Variants in STAT5B observed in about 807,000 individuals in gnomAD.
The protein encoded by STAT5B is signal transducer and activator of transcription 5B, also known as transcription factor STAT5B.
STAT5B carries 21 observed loss-of-function variants against 107.8 expected under a neutral mutation model. The observed-to-expected ratio is 0.19, with a 90% CI of 0.14 to 0.28. The LOEUF (loss-of-function observed/expected upper bound fraction) is 0.28, where lower values mean the gene tolerates loss of function less well. Ranked by LOEUF, STAT5B falls within the 10% of genes least tolerant of loss-of-function variation. The probability of loss-of-function intolerance (pLI) is 1.00; values close to 1 mark genes in which losing one functional copy is unlikely to be tolerated. For missense variants in STAT5B, 565 were observed against 1,008.2 expected (o/e 0.56, Z 5.95); for synonymous variants, 325 against 401.7 (o/e 0.81, Z 2.28).
chr17:42,206,813 G>A (rs553631419), intron 16 of STAT5B, among the ~76,000 whole-genome samples: 1 of 150,794 alleles, frequency 6.6e-6, no homozygotes, highest in South Asian at 2.1e-4. Flanking sequence ...GACCTCAGGT[G>A]ATCTGCCTGC....
At chr17:42,279,373 A>G (rs1273448737), upstream of STAT5B, among the ~76,000 whole-genome samples, 4 of 152,200 alleles carry the variant, frequency 2.6e-5, no homozygotes, top group African/African-American at 9.6e-5. Flanking sequence ...AAAGCACTGT[A>G]TAGCGGTTAA....
chr17:42,207,918 C>T (rs954100450), intron 15 of STAT5B, among the ~76,000 whole-genome samples, 190 bp from the exon 16 acceptor site: 5 of 152,162 alleles, frequency 3.3e-5, no homozygotes, highest in East Asian at 3.9e-4. Flanking sequence ...TATTTTGAGA[C>T]GGAGTCTCAC....
intron 5 of STAT5B, among the ~76,000 whole-genome samples, chr17:42,222,558 T>C (rs1006016102): frequency 2.0e-5 from 3 of 152,154 alleles, no homozygotes; most frequent in African/African-American, 7.2e-5. Context: ...TTTTCCCCCT[T>C]AGAGATAGGG....
Position 42,200,791 on chromosome 17 carries a change from TGAA to T in STAT5B, c.*944_*946del, listed in dbSNP as rs1403473127. The T allele has an allele frequency of 9.0e-6, 3 of 333,642 alleles. No homozygotes were observed. In the East Asian group the frequency reaches 1.4e-4, roughly 15 times the overall value. The allele number at this position is 333,642 out of a possible 1,614,324, so 20.7% of individuals were successfully genotyped here. A position where few individuals can be genotyped will look rare whatever the true frequency, so the allele number is the denominator to read the frequency against. On this transcript the variant is annotated 3_prime_UTR_variant, in exon 19 of 19. Transcript: ENST00000293328. Reference sequence around the variant, plus strand: ...TTGCAAAAAGCATCATCAATAAGCCTGAAGAAGGCCACGGACTGTGCATCCGCT... The same window carrying T: ...TTGCAAAAAGCATCATCAATAAGCCTGAAGGCCACGGACTGTGCATCCGCT...
chr17:42,225,921 G>A (rs1349824820), intron 3 of STAT5B, among the ~76,000 whole-genome samples: 1 of 151,990 alleles, frequency 6.6e-6, no homozygotes, highest in African/African-American at 2.4e-5. Context: ...TTAAAAAGCA[G>A]GGGGTACATG....
rs560828409 is a variant in STAT5B at position 42,251,895 on chromosome 17, A to AGGCT, written c.-10-19762_-10-19759dup. Among the ~76,000 whole-genome samples the AGGCT allele has an allele frequency of 4.0e-5, 6 of 151,114 alleles. No homozygotes were observed. The South Asian group carries it at 1.3e-3, about 32-fold the overall frequency. On this transcript the variant is annotated intron_variant, in intron 1 of 18. Coordinates refer to ENST00000293328, the MANE Select transcript of STAT5B (RefSeq NM_012448.4). ...GTGCCTGTAATCCCAGCTACTGGGG[A>AGGCT]GGCTGAGGCAGGAGAATGGCTCGAA...
intron 1 of STAT5B, among the ~76,000 whole-genome samples, chr17:42,273,619 C>T (rs887682221): frequency 1.3e-5 from 2 of 152,202 alleles, no homozygotes; most frequent in Non-Finnish European, 2.9e-5. Context: ...GAGATACAGA[C>T]ATTTTTGTAG....
intron 12 of STAT5B, among the ~76,000 whole-genome samples, chr17:42,212,869 CCT>C (rs2080140833): frequency 6.6e-6 from 1 of 152,224 alleles, no homozygotes; most frequent in Non-Finnish European, 1.5e-5. Context: ...ACTCCCTATC[CCT>C]GTCTCCCAGC....
chr17:42,274,281 CAAAAAA>C (rs534342062), intron 1 of STAT5B, among the ~76,000 whole-genome samples: 34 of 62,510 alleles, frequency 5.4e-4, no homozygotes, highest in African/African-American at 1.1e-3. Flanking sequence ...GTTTGCTTTA[CAAAAAA>C]AAAAAAAAAA....
upstream of STAT5B, chr17:42,276,423 C>A (rs2080767346): frequency 2.0e-5 from 3 of 146,884 alleles, no homozygotes; most frequent in South Asian, 6.3e-4. This position sits in a 1 kb window ranked among gnomAD's most constrained non-coding sequence, Gnocchi z 4.8. Context: ...CGCGGGGGCG[C>A]GCGCGCCGCT....
At chr17:42,269,219 G>A (rs935654895) in intron 1 of STAT5B, among the ~76,000 whole-genome samples, 13 of 152,004 alleles carry the variant, frequency 8.6e-5, no homozygotes, top group Admixed American at 2.6e-4. Flanking sequence ...GATTACAGGC[G>A]TGCACCACCA....
chr17:42,258,406 C>T (rs756797087), intron 1 of STAT5B, among the ~76,000 whole-genome samples: 1 of 152,186 alleles, frequency 6.6e-6, no homozygotes, highest in Admixed American at 6.5e-5. Context: ...AGGCTGGGCA[C>T]GGTAGCTTAT....
the STAT5B span, among the ~76,000 whole-genome samples, chr17:42,283,445 C>T: frequency 3.9e-5 from 6 of 152,200 alleles, no homozygotes; most frequent in East Asian, 1.9e-4. Flanking sequence ...AGAAAGAAAC[C>T]GGCCTACAAG....
intron 1 of STAT5B, among the ~76,000 whole-genome samples, chr17:42,262,995 TATATATATATATATATATATA>T (rs1567677387): frequency 1.0e-4 from 7 of 68,934 alleles, no homozygotes; most frequent in Non-Finnish European, 1.9e-4. Context: ...TATATATATA[TATATATATATATATATATATA>T]AAAAAACAAA....
At chr17:42,285,933 G>A in the STAT5B span, among the ~76,000 whole-genome samples, 581 of 152,272 alleles carry the variant, frequency 3.8e-3, 5 homozygotes, top group African/African-American at 0.013. Context: ...AAAAGCCAGA[G>A]TGGGGGCCGG....
At chr17:42,238,500 G>C (rs1441839017) in intron 1 of STAT5B, among the ~76,000 whole-genome samples, 2 of 147,608 alleles carry the variant, frequency 1.4e-5, no homozygotes, top group African/African-American at 5.0e-5. Flanking sequence ...TGTCACCCAG[G>C]CTGGAGTGCA....
chr17:42,274,010 T>C (rs1228100555), intron 1 of STAT5B, among the ~76,000 whole-genome samples: 1 of 152,142 alleles, frequency 6.6e-6, no homozygotes, highest in African/African-American at 2.4e-5. Flanking sequence ...ATATTTATGT[T>C]GTAACACTCC....
At chr17:42,222,012 G>A (rs1214377190) in intron 5 of STAT5B, among the ~76,000 whole-genome samples, 1 of 144,072 alleles carries the variant, frequency 6.9e-6, no homozygotes, top group African/African-American at 2.6e-5. Context: ...TGTGTGCTGT[G>A]TGTGGTGTGG....
the STAT5B span, chr17:42,287,436 C>A: frequency 6.6e-6 from 1 of 151,810 alleles, no homozygotes; most frequent in South Asian, 2.1e-4. Flanking sequence ...AGAGGGGAGG[C>A]CCAGAGGAGA....
Sources: gnomAD v4.1 joint callset for allele counts (sites outside exome capture counted in the v4.1 genomes callset) on GRCh38, gnomAD v4.1.1 for gene constraint, Gnocchi (gnomAD v3.1) non-coding constraint, MANE v1.5 for transcripts, NCBI Gene and HGNC (gene_info 2026-07-23, HGNC 2026-07-21) for gene names.